Variants in AGMO observed in about 807,000 individuals in gnomAD.
AGMO encodes the protein alkylglycerol monooxygenase.
AGMO carries 75 observed loss-of-function variants against 60.2 expected under a neutral mutation model. The ratio of observed to expected loss-of-function variants is 1.25; its 90% CI spans 1.03 to 1.51. AGMO has a LOEUF of 1.51. Among genes scored for constraint, AGMO ranks in the 40% most tolerant of loss-of-function variants. The pLI, the probability that AGMO is intolerant of heterozygous loss-of-function variation, is 0.00. For missense variants in AGMO, 763 were observed against 525.5 expected (o/e 1.45, Z -4.42); for synonymous variants, 261 against 177.1 (o/e 1.47, Z -3.76).
chr7:15,444,757 G>T (rs1394028826), intron 3 of AGMO, among the ~76,000 whole-genome samples: 3 of 152,022 alleles, frequency 2.0e-5, no homozygotes, highest in African/African-American at 7.2e-5. Context: ...GACTTCAATA[G>T]GCACATATCC....
the AGMO span, among the ~76,000 whole-genome samples, chr7:15,174,815 A>T: frequency 4.2e-3 from 644 of 152,152 alleles, 5 homozygotes; most frequent in Admixed American, 8.3e-3. Context: ...TCAAAGATTG[A>T]ATTAAATTAT....
At chr7:15,377,496 G>A (rs538239588) in intron 10 of AGMO, among the ~76,000 whole-genome samples, 1 of 151,974 alleles carries the variant, frequency 6.6e-6, no homozygotes, top group Non-Finnish European at 1.5e-5. Context: ...TCATGCCCAG[G>A]CATTCAAATG....
chr7:15,188,072 G>A, the AGMO span, among the ~76,000 whole-genome samples: 3 of 152,234 alleles, frequency 2.0e-5, 1 homozygote, highest in African/African-American at 4.8e-5. Flanking sequence ...TGCCATGAAC[G>A]AGGCTACTTC....
intron 12 of AGMO, among the ~76,000 whole-genome samples, chr7:15,264,509 AATT>A (rs566550883): frequency 6.8e-4 from 103 of 152,174 alleles, no homozygotes; most frequent in African/African-American, 2.4e-3. Flanking sequence ...GAATAATATC[AATT>A]ATTATTTCTA....
chr7:15,273,354 A>C (rs1783675153), intron 12 of AGMO, among the ~76,000 whole-genome samples: 1 of 152,186 alleles, frequency 6.6e-6, no homozygotes, highest in South Asian at 2.1e-4. Context: ...ATGGCTAGTC[A>C]GTTTTCCCAG....
At position 15,357,182 on chromosome 7, in the gene AGMO, T is replaced by C. The variant is rs150940137; in HGVS notation, c.1263+8332A>G. On this transcript the variant is annotated intron_variant, in intron 12 of 12. Coordinates refer to ENST00000342526, the MANE Select transcript of AGMO (RefSeq NM_001004320.2). ...GATGAGTCAAAATTGCTCTATACTA[T>C]GAATATTCGTGTGTGTGTGTGTGTG... Among the ~76,000 whole-genome samples the C allele has an allele frequency of 1.1e-3, 147 of 128,394 alleles. No individual in the cohort carries two copies. In the Middle Eastern group the frequency reaches 0.011, roughly 10 times the overall value. The allele number at this position is 128,394 out of a possible 152,430, so 84.2% of individuals were successfully genotyped here.
intron 12 of AGMO, among the ~76,000 whole-genome samples, chr7:15,234,421 T>C (rs1324555513): frequency 6.6e-6 from 1 of 152,192 alleles, no homozygotes; most frequent in African/African-American, 2.4e-5. Flanking sequence ...ATGGCTTAGT[T>C]CACTTGGATA....
intron 12 of AGMO, among the ~76,000 whole-genome samples, chr7:15,263,689 A>C (rs990529385): frequency 1.3e-5 from 2 of 152,156 alleles, no homozygotes; most frequent in African/African-American, 2.4e-5. Context: ...TCAACCAATG[A>C]AGGGATAAAG....
At chr7:15,227,088 T>C (rs945915782) in intron 12 of AGMO, among the ~76,000 whole-genome samples, 15 of 152,072 alleles carry the variant, frequency 9.9e-5, no homozygotes, top group Non-Finnish European at 2.9e-5. Flanking sequence ...ACCTCGATTT[T>C]ATTGTTTTTT....
At chr7:15,555,292 T>TACACACAC (rs58173194) in intron 2 of AGMO, among the ~76,000 whole-genome samples, 55 of 95,850 alleles carry the variant, frequency 5.7e-4, no homozygotes, top group Non-Finnish European at 9.7e-4. Context: ...TATATATATA[T>TACACACAC]ACACACACAC....
intron 3 of AGMO, among the ~76,000 whole-genome samples, chr7:15,526,841 C>T (rs1243711545): frequency 2.0e-5 from 3 of 152,164 alleles, no homozygotes; most frequent in Admixed American, 2.0e-4. Context: ...CTGTATCACA[C>T]ACTGGTAATT....
intron 12 of AGMO, among the ~76,000 whole-genome samples, chr7:15,204,885 G>C (rs932616482): frequency 7.2e-5 from 11 of 152,112 alleles, no homozygotes; most frequent in Non-Finnish European, 1.6e-4. Context: ...AAGAGACAAG[G>C]TCTTGCTATG....
intron 12 of AGMO, among the ~76,000 whole-genome samples, chr7:15,228,394 G>A (rs563741115): frequency 2.6e-5 from 4 of 152,204 alleles, no homozygotes; most frequent in African/African-American, 9.6e-5. Flanking sequence ...TAGCTATAGA[G>A]CTTAAAGGAG....
In AGMO at chr7:15,298,334, CCAA is replaced by C. The variant is rs543741902; in HGVS notation, c.1263+67177_1263+67179del. Among the ~76,000 whole-genome samples the C allele has an allele frequency of 3.6e-3, 541 of 152,224 alleles. 2 individuals are homozygous for C. Among genetic ancestry groups the C allele is most frequent in the African/African-American group, 0.012 (506 of 41,548 alleles). ...CCTTCATACCACTTCAATCATTCAACCAATGTGATCAACTGTATCCTCTAATTA... is the reference window on the plus strand; with the variant it reads ...CCTTCATACCACTTCAATCATTCAACTGTGATCAACTGTATCCTCTAATTA... On this transcript the variant is annotated intron_variant, in intron 12 of 12. Coordinates refer to ENST00000342526, the MANE Select transcript of AGMO (RefSeq NM_001004320.2).
At chr7:15,341,577 C>CA (rs1261756641) in intron 12 of AGMO, among the ~76,000 whole-genome samples, 1 of 152,164 alleles carries the variant, frequency 6.6e-6, no homozygotes, top group Admixed American at 6.5e-5. Flanking sequence ...CAAACTGTTC[C>CA]AAGCTTTGCC....
Position 15,264,723 on chromosome 7 carries a change from A to C in AGMO, c.1264-63364T>G, listed in dbSNP as rs536392302. ...GATTAGAGAAATGCAAATCAAAGCC[A>C]CAGTGAAATACCATCTCATACCATT... On this transcript the variant is annotated intron_variant, in intron 12 of 12. Coordinates refer to ENST00000342526, the MANE Select transcript of AGMO (RefSeq NM_001004320.2). 2.6e-5 allele frequency among the ~76,000 whole-genome samples: 4 copies of C among 152,282 alleles called. No individual in the cohort carries two copies. The South Asian group carries it at 8.3e-4, about 32-fold the overall frequency.
chr7:15,415,861 T>C (rs1780752473), intron 5 of AGMO, among the ~76,000 whole-genome samples: 1 of 152,034 alleles, frequency 6.6e-6, no homozygotes, highest in African/African-American at 2.4e-5. Context: ...GAAGAGACTA[T>C]AACTGAATAT....
rs547314954 is a variant in AGMO at position 15,341,900 on chromosome 7, G to A, written c.1263+23614C>T. 6.8e-4 allele frequency among the ~76,000 whole-genome samples: 104 copies of A among 152,064 alleles called. 1 individual carries two copies. Among genetic ancestry groups the A allele is most frequent in the African/African-American group, 2.5e-3 (102 of 41,462 alleles). On this transcript the variant is annotated intron_variant, in intron 12 of 12. Transcript: ENST00000342526. ...TCTCGTGAGACATATTCACTATCAT[G>A]AGAACAGCATGGGAAAATCTGCTCT...
intron 10 of AGMO, among the ~76,000 whole-genome samples, chr7:15,384,523 A>T (rs1211403838): frequency 6.6e-6 from 1 of 152,146 alleles, no homozygotes; most frequent in African/African-American, 2.4e-5. Context: ...TACACCTTAA[A>T]GATAGGCGTA....
Sources: gnomAD v4.1 joint callset for allele counts (sites outside exome capture counted in the v4.1 genomes callset) on GRCh38, gnomAD v4.1.1 for gene constraint, MANE v1.5 for transcripts, NCBI Gene and HGNC (gene_info 2026-07-23, HGNC 2026-07-21) for gene names.